Variants in KALRN observed in about 807,000 individuals in gnomAD.
The protein encoded by KALRN is kalirin.
Under a neutral mutation model 353.7 loss-of-function variants are expected in KALRN, and 70 were observed. That is an observed-to-expected ratio of 0.20 (90% CI 0.16 to 0.24). KALRN has a LOEUF of 0.24. KALRN is among the 10% of genes least tolerant of loss of function. The pLI is 1.00. For missense variants in KALRN, 2,791 were observed against 3,756.7 expected, an observed-to-expected ratio of 0.74 and a Z score of 6.72; for synonymous variants, 1,391 against 1,434.8, an observed-to-expected ratio of 0.97 and a Z score of 0.69.
At chr3:124,345,910 C>T (rs531229481) in intron 9 of KALRN, among the ~76,000 whole-genome samples, 3 of 152,218 alleles carry the variant, frequency 2.0e-5, no homozygotes, top group African/African-American at 7.2e-5. Flanking sequence ...CCTCTGTTTG[C>T]TGCAGGGCAA....
chr3:124,538,788 G>A (rs867860317), intron 33 of KALRN, among the ~76,000 whole-genome samples: 2 of 152,228 alleles, frequency 1.3e-5, no homozygotes, highest in Non-Finnish European at 2.9e-5. Context: ...TCTCCACCTT[G>A]TAATTCTGCC....
intron 3 of KALRN, among the ~76,000 whole-genome samples, chr3:124,257,656 C>A (rs1256516931): frequency 1.3e-5 from 2 of 152,114 alleles, no homozygotes; most frequent in Non-Finnish European, 2.9e-5. Context: ...GGGTGAGAAC[C>A]TGGCCAAGGG....
intron 1 of KALRN, among the ~76,000 whole-genome samples, chr3:124,047,749 T>G (rs2040639977): frequency 6.6e-6 from 1 of 151,928 alleles, no homozygotes; most frequent in African/African-American, 2.4e-5. Flanking sequence ...ATGATCCGCC[T>G]GCCTTGGCCT....
chr3:124,130,397 A>C (rs922635098), intron 1 of KALRN, among the ~76,000 whole-genome samples: 3 of 152,192 alleles, frequency 2.0e-5, no homozygotes, highest in African/African-American at 7.2e-5. Flanking sequence ...TTTTTTTTAA[A>C]AACTGCTTAA....
chr3:124,518,607 A>G, intron 33 of KALRN: 1 of 1,543,282 alleles, frequency 6.5e-7, no homozygotes, highest in South Asian at 1.2e-5. Context: ...AGAGGGCAAC[A>G]TGTTCCAAGC....
intron 13 of KALRN, among the ~76,000 whole-genome samples, chr3:124,406,070 A>C (rs1353003806): frequency 6.6e-6 from 1 of 152,232 alleles, no homozygotes; most frequent in Non-Finnish European, 1.5e-5. Context: ...GAACTCATCA[A>C]TTACAGCATT....
intron 8 of KALRN, among the ~76,000 whole-genome samples, chr3:124,330,984 A>G (rs1364202143): frequency 2.0e-5 from 3 of 152,202 alleles, no homozygotes; most frequent in Admixed American, 2.0e-4. Flanking sequence ...TCTAAGAACC[A>G]ATGGCTCCTA....
At chr3:124,498,910 G>A (rs1194776721) in intron 33 of KALRN, among the ~76,000 whole-genome samples, 12 of 151,678 alleles carry the variant, frequency 7.9e-5, no homozygotes, top group Admixed American at 1.3e-4. Context: ...GCCAGGGAAC[G>A]CTGGTTTCTA....
intron 13 of KALRN, among the ~76,000 whole-genome samples, chr3:124,403,042 C>G (rs958181814): frequency 6.6e-6 from 1 of 152,074 alleles, no homozygotes. Context: ...TAACTGGACA[C>G]ATGAAAAAAA....
In KALRN at chr3:124,223,809, G is replaced by A. The variant is rs1349012079; in HGVS notation, c.74-4181G>A. Among the ~76,000 whole-genome samples, 8 of 152,330 alleles carry A rather than the reference G, an allele frequency of 5.3e-5. No individual in the cohort carries two copies. The East Asian group carries it at 1.4e-3, about 26-fold the overall frequency. On this transcript the variant is annotated intron_variant, in intron 1 of 59. Transcript: ENST00000682506. ...GTGTAAGGTCACACAGAGGCTGGAA[G>A]CCACAGTGAGGCTGACTGGCATTTT...
intron 6 of KALRN, among the ~76,000 whole-genome samples, chr3:124,314,900 C>T (rs1403543421): frequency 6.6e-6 from 1 of 152,184 alleles, no homozygotes; most frequent in African/African-American, 2.4e-5. Flanking sequence ...AGTGATCCAC[C>T]TTGGCCTCCC....
At chr3:124,466,810 T>A (rs993841355) in intron 25 of KALRN, among the ~76,000 whole-genome samples, 14 of 152,104 alleles carry the variant, frequency 9.2e-5, no homozygotes, top group Non-Finnish European at 2.9e-5. Flanking sequence ...CTCTCTCCCC[T>A]TCTCTCACTC....
intron 5 of KALRN, among the ~76,000 whole-genome samples, chr3:124,269,640 C>G (rs2073931775): frequency 6.6e-6 from 1 of 152,164 alleles, no homozygotes; most frequent in African/African-American, 2.4e-5. Flanking sequence ...ATGAGTGGCT[C>G]AAGCCAGCTA....
intron 9 of KALRN, among the ~76,000 whole-genome samples, chr3:124,342,888 A>C (rs917525088): frequency 2.0e-5 from 3 of 152,218 alleles, no homozygotes; most frequent in African/African-American, 7.2e-5. Context: ...GCTACCCCTT[A>C]TAACTCATTC....
chr3:124,395,239 G>A lies in KALRN; in HGVS notation c.2067G>A (p.Gln689=). 6.2e-7 allele frequency: 1 copy of A among 1,613,060 alleles called. No individual in the cohort carries two copies. The change falls in exon 12 of 60, where the codon CAG becomes CAA. Residue 689 remains glutamine (Q), a synonymous_variant. Transcript: ENST00000682506. ...QELIKQFQQQ[Q]TATLDATLNV... ...TGATCAAGCAGTTCCAGCAGCAGCA[G>A]ACCGCCACTCTAGATGCCACACTCA...
Position 124,539,706 on chromosome 3 carries a change from A to C in KALRN, c.4936-23137A>C, listed in dbSNP as rs1480065737. Among the ~76,000 whole-genome samples, 3 of 152,156 alleles carry C rather than the reference A, an allele frequency of 2.0e-5. No homozygotes were observed. The East Asian group carries it at 5.8e-4, about 29-fold the overall frequency. On this transcript the variant is annotated intron_variant, in intron 33 of 59. Coordinates refer to ENST00000682506, the MANE Select transcript of KALRN (RefSeq NM_001388419.1). ...TCTTTTGAAGGAAGGAAGGGAGAAA[A>C]AAAGAGCAAGAGTCAGAGTTTTGTA...
intron 6 of KALRN, among the ~76,000 whole-genome samples, chr3:124,314,038 G>T (rs2078553945): frequency 6.6e-6 from 1 of 152,122 alleles, no homozygotes; most frequent in Non-Finnish European, 1.5e-5. Context: ...CTGCTATAAA[G>T]ACACATGCAC....
intron 7 of KALRN, among the ~76,000 whole-genome samples, chr3:124,328,745 A>C (rs372945698): frequency 1.3e-5 from 2 of 152,232 alleles, no homozygotes; most frequent in African/African-American, 4.8e-5. Context: ...GCTGTACCAG[A>C]ACTGAGAAAA....
chr3:124,273,252 C>T (rs557593169), intron 5 of KALRN, among the ~76,000 whole-genome samples: 24 of 152,224 alleles, frequency 1.6e-4, no homozygotes, highest in Non-Finnish European at 2.9e-4. Flanking sequence ...GCCGTGCTCT[C>T]TCCCAATTAA....
Sources: allele counts gnomAD v4.1 joint callset (sites outside exome capture counted in the v4.1 genomes callset), GRCh38; gene constraint gnomAD v4.1.1; transcripts MANE v1.5; gene names NCBI Gene and HGNC (gene_info 2026-07-23, HGNC 2026-07-21).